The following CNKSR3 variants were observed in gnomAD, a reference collection of about 807,000 sequenced individuals.
CNKSR3 encodes CNKSR family member 3.
A neutral mutation model predicts 67.7 loss-of-function variants in CNKSR3; 36 were observed. The ratio of observed to expected loss-of-function variants is 0.53; its 90% CI spans 0.41 to 0.70. The LOEUF (loss-of-function observed/expected upper bound fraction) is 0.70, where lower values mean the gene tolerates loss of function less well. Ranked by LOEUF, CNKSR3 falls within the 30% of genes least tolerant of loss-of-function variation. The pLI is 0.00. For synonymous variants in CNKSR3, 281 were observed against 271.4 expected (o/e 1.04, Z -0.35); for missense variants, 630 against 695.2 (o/e 0.91, Z 1.05).
intron 1 of CNKSR3, among the ~76,000 whole-genome samples, chr6:154,450,528 C>A (rs879588464): frequency 6.6e-6 from 1 of 152,196 alleles, no homozygotes; most frequent in Non-Finnish European, 1.5e-5. Flanking sequence ...AAACACCAAA[C>A]CCCTGTTGAC....
chr6:154,501,662 C>T (rs1001277650), intron 1 of CNKSR3, among the ~76,000 whole-genome samples: 4 of 152,100 alleles, frequency 2.6e-5, no homozygotes, highest in East Asian at 3.9e-4. Context: ...TTTCTGATGA[C>T]GTCATCCAAA....
rs1246925170 is a variant in CNKSR3, at chr6:154,402,188, G to C, written c.*4166C>G. On this transcript the variant is annotated 3_prime_UTR_variant, in exon 13 of 13. Transcript: ENST00000607772. ...CAGTTCTGGAAATGTGAGCATGTTAGGGGTGCCACTGATGGGCGGCCACTA... is the reference window on the plus strand; with the variant it reads ...CAGTTCTGGAAATGTGAGCATGTTACGGGTGCCACTGATGGGCGGCCACTA... 6.6e-6 allele frequency: 1 copy of C among 152,200 alleles called. No homozygotes were observed. The highest frequency in any genetic ancestry group is 6.5e-5 in the Admixed American group (1 of 15,268). 9.4% of individuals were successfully genotyped at this position (152,200 alleles called of 1,614,324 possible).
chr6:154,506,909 G>A (rs1477790409), intron 1 of CNKSR3, among the ~76,000 whole-genome samples: 2 of 152,232 alleles, frequency 1.3e-5, no homozygotes, highest in Non-Finnish European at 2.9e-5. Flanking sequence ...GAATCCTGAA[G>A]TTCTATTCAT....
At chr6:154,431,058 T>C (rs1443429353) in intron 5 of CNKSR3, among the ~76,000 whole-genome samples, 1 of 152,112 alleles carries the variant, frequency 6.6e-6, no homozygotes, top group Non-Finnish European at 1.5e-5. Context: ...AAAAAGTACA[T>C]TGAGTTCCCA....
rs1012136951 is a variant in CNKSR3, at chr6:154,389,563, G to A, written c.*16791C>T. On this transcript the variant is annotated 3_prime_UTR_variant, in exon 13 of 13. Transcript: ENST00000607772. ...TGTTCTTCTTTCTCAAGATTGATAT[G>A]GCTATTCATGGTCTTTTGTGGTTTC... 7.2e-5 allele frequency: 11 copies of A among 152,244 alleles called. No homozygotes were observed. Among genetic ancestry groups the A allele is most frequent in the South Asian group, 6.2e-4 (3 of 4,818 alleles). The allele number at this position is 152,244 out of a possible 1,614,324, so 9.4% of individuals were successfully genotyped here. A position where few individuals can be genotyped will look rare whatever the true frequency, so the allele number is the denominator to read the frequency against.
At chr6:154,427,398 G>T in intron 7 of CNKSR3, among the ~76,000 whole-genome samples, 1 of 152,144 alleles carries the variant, frequency 6.6e-6, no homozygotes, top group East Asian at 1.9e-4. Flanking sequence ...CCAAATACAT[G>T]CTTCTTTTGC....
At chr6:154,416,700 A>C (rs2128712737) in intron 9 of CNKSR3, among the ~76,000 whole-genome samples, 1 of 152,320 alleles carries the variant, frequency 6.6e-6, no homozygotes, top group Non-Finnish European at 1.5e-5. Context: ...GGTACAAAGA[A>C]TAATGAAGAA....
chr6:154,487,299 G>C (rs1411121210), intron 1 of CNKSR3, among the ~76,000 whole-genome samples: 1 of 152,030 alleles, frequency 6.6e-6, no homozygotes, highest in Non-Finnish European at 1.5e-5. Flanking sequence ...TAGCACCTAG[G>C]CTTTATTAAG....
intron 12 of CNKSR3, 74 bp from the exon 13 acceptor site, chr6:154,406,726 T>C: frequency 7.3e-7 from 1 of 1,372,528 alleles, no homozygotes; most frequent in Non-Finnish European, 1.0e-6. Flanking sequence ...TCTCCGCACT[T>C]TGGGAGGTCG....
chr6:154,456,425 C>T (rs1473886145), intron 1 of CNKSR3, among the ~76,000 whole-genome samples: 3 of 151,238 alleles, frequency 2.0e-5, no homozygotes, highest in Non-Finnish European at 4.4e-5. Context: ...GTGCCAGGCG[C>T]GGTGGCTCAC....
intron 1 of CNKSR3, among the ~76,000 whole-genome samples, chr6:154,489,931 G>A (rs147096882): frequency 2.0e-5 from 3 of 152,188 alleles, no homozygotes; most frequent in South Asian, 2.1e-4. Flanking sequence ...GACCTCCGGG[G>A]AACACTCCCC....
At chr6:154,481,053 ATTTAT>A (rs1786556573) in intron 1 of CNKSR3, among the ~76,000 whole-genome samples, 1 of 150,312 alleles carries the variant, frequency 6.7e-6, no homozygotes, top group African/African-American at 2.4e-5. Flanking sequence ...CTTATTTGAT[ATTTAT>A]TTTATTTGAT....
intron 7 of CNKSR3, among the ~76,000 whole-genome samples, chr6:154,423,810 G>A (rs973204020): frequency 9.2e-5 from 14 of 152,130 alleles, no homozygotes; most frequent in Admixed American, 9.2e-4. Context: ...TAAAGAAAAT[G>A]AATTTAGTTT....
intron 1 of CNKSR3, among the ~76,000 whole-genome samples, chr6:154,454,133 A>AC (rs1785901301): frequency 7.0e-6 from 1 of 142,044 alleles, no homozygotes; most frequent in Non-Finnish European, 1.6e-5. Context: ...AGAGAGAGAG[A>AC]GAGAGAGAGA....
chr6:154,420,315 T>C (rs980119388), intron 9 of CNKSR3, among the ~76,000 whole-genome samples: 1 of 151,756 alleles, frequency 6.6e-6, no homozygotes, highest in African/African-American at 2.4e-5. Context: ...GGAATCCTGG[T>C]CAAAGGGTAC....
At chr6:154,432,321 G>A (rs1785387079) in intron 5 of CNKSR3, among the ~76,000 whole-genome samples, 2 of 152,136 alleles carry the variant, frequency 1.3e-5, no homozygotes, top group Non-Finnish European at 2.9e-5. Flanking sequence ...TGAAGTACCT[G>A]TTCAGATCTT....
chr6:154,427,043 C>A (rs915491829), intron 7 of CNKSR3, among the ~76,000 whole-genome samples: 3 of 152,196 alleles, frequency 2.0e-5, no homozygotes, highest in Admixed American at 2.0e-4. Flanking sequence ...TAGGAGGTGA[C>A]ATGGTATAAA....
intron 1 of CNKSR3, among the ~76,000 whole-genome samples, chr6:154,495,438 A>C (rs1468557002): frequency 1.3e-5 from 2 of 149,160 alleles, no homozygotes. Context: ...GTGTGATCAT[A>C]GCTCACTGTA....
rs374956113 is a variant in CNKSR3, at chr6:154,406,555, G to C, written c.1467C>G (p.Thr489=). 2 of 1,614,224 alleles carry C rather than the reference G, an allele frequency of 1.2e-6. No individual in the cohort carries two copies. Among genetic ancestry groups the C allele is most frequent in the South Asian group, 1.1e-5 (1 of 91,084 alleles). Residue 489 remains threonine (T), a synonymous_variant, in exon 13 of 13, where the codon ACC becomes ACG. Coordinates refer to ENST00000607772, the MANE Select transcript of CNKSR3 (RefSeq NM_173515.4). ...SPPYRFSRPT[T]ERHLVRGADY... is the part of the protein sequence containing the mutation. The stretch of plus-strand genomic sequence containing the variant: ...CCGCACCCCGGACCAGATGCCGCTC[G>C]GTCGTGGGTCTGGAGAACCGGTATG...
Sources: allele counts gnomAD v4.1 joint callset (sites outside exome capture counted in the v4.1 genomes callset), GRCh38; gene constraint gnomAD v4.1.1; transcripts MANE v1.5; gene names NCBI Gene and HGNC (gene_info 2026-07-23, HGNC 2026-07-21).